The following RTTN variants were observed in gnomAD, a reference collection of about 807,000 sequenced individuals.
The protein encoded by RTTN is rotatin.
Under a neutral mutation model 269.2 loss-of-function variants are expected in RTTN, and 182 were observed. The ratio of observed to expected loss-of-function variants is 0.68; its 90% CI spans 0.60 to 0.76. The LOEUF (loss-of-function observed/expected upper bound fraction) is 0.76. Among genes scored for constraint, RTTN ranks in the 30% least tolerant of loss-of-function variants. The pLI, the probability that RTTN is intolerant of heterozygous loss-of-function variation, is 0.00. For missense variants in RTTN, 2,545 were observed against 2,608.6 expected, an observed-to-expected ratio of 0.98 and a Z score of 0.53; for synonymous variants, 1,006 against 963.5, an observed-to-expected ratio of 1.04 and a Z score of -0.82.
intron 40 of RTTN, among the ~76,000 whole-genome samples, chr18:70,034,400 C>T (rs145888670): frequency 9.2e-4 from 140 of 152,290 alleles, no homozygotes; most frequent in African/African-American, 3.1e-3. Flanking sequence ...GTTCAACATA[C>T]GTGCAAACAA....
rs1453437996 is a variant in RTTN at position 70,166,990 on chromosome 18, T to C, written c.1731A>G (p.Gln577=). 3 of 1,613,854 alleles carry C rather than the reference T, an allele frequency of 1.9e-6. No homozygotes were observed. The South Asian group carries it at 3.3e-5, about 18-fold the overall frequency. Residue 577 remains glutamine, a synonymous_variant, in exon 13 of 49, where the codon CAA becomes CAG. Transcript: ENST00000640769. ...GATGATAGGAAAAGCTACGCAAGGC[T>C]TGGTCTGCCAGCTCCACTAATTCTA... ...NLLELVELAD[Q]ALRSFSYHQH... is the part of the protein sequence containing the mutation.
chr18:70,041,200 A>C (rs2057329859), intron 40 of RTTN, among the ~76,000 whole-genome samples: 2 of 151,828 alleles, frequency 1.3e-5, no homozygotes, highest in African/African-American at 4.8e-5. Flanking sequence ...ACAGAGTGAG[A>C]CTCTGTCTCA....
At chr18:70,121,044 C>T (rs986437812) in intron 26 of RTTN, among the ~76,000 whole-genome samples, 6 of 151,174 alleles carry the variant, frequency 4.0e-5, no homozygotes, top group Non-Finnish European at 8.8e-5. Context: ...GGGCGAGACG[C>T]CGTCTCAAAA....
chr18:70,106,094 T>C (rs2059313881), intron 28 of RTTN, among the ~76,000 whole-genome samples: 1 of 152,156 alleles, frequency 6.6e-6, no homozygotes, highest in Admixed American at 6.5e-5. Flanking sequence ...ATGCCTGTAA[T>C]AGCAGCACTT....
At chr18:70,106,694 T>C (rs891485916) in intron 28 of RTTN, among the ~76,000 whole-genome samples, 3 of 151,888 alleles carry the variant, frequency 2.0e-5, no homozygotes, top group Non-Finnish European at 2.9e-5. Context: ...TCTTATGCTC[T>C]TGAAAAAAAA....
intron 8 of RTTN, 50 bp from the exon 9 acceptor site, chr18:70,190,769 C>G (rs374482276): frequency 9.7e-6 from 13 of 1,334,256 alleles, no homozygotes; most frequent in South Asian, 7.6e-5. Flanking sequence ...AATCCCCAAA[C>G]AGATTTACTG....
chr18:70,049,995 C>T (rs765830440), intron 39 of RTTN, among the ~76,000 whole-genome samples: 13 of 152,116 alleles, frequency 8.5e-5, no homozygotes, highest in Admixed American at 3.3e-4. Flanking sequence ...GGTTTCTATA[C>T]CAACACAGTA....
chr18:70,051,041 A>C (rs1174246935), intron 39 of RTTN, among the ~76,000 whole-genome samples: 2 of 152,184 alleles, frequency 1.3e-5, no homozygotes, highest in Admixed American at 1.3e-4. Context: ...CTATGTAAAA[A>C]ACCTGCACGT....
At chr18:70,040,388 A>G (rs1308815519) in intron 40 of RTTN, among the ~76,000 whole-genome samples, 8 of 152,242 alleles carry the variant, frequency 5.3e-5, no homozygotes, top group Non-Finnish European at 8.8e-5. Context: ...AGATCATTAT[A>G]TAATGATAAT....
intron 43 of RTTN, among the ~76,000 whole-genome samples, chr18:70,026,582 G>A (rs2056860472): frequency 1.3e-5 from 2 of 152,090 alleles, no homozygotes; most frequent in South Asian, 2.1e-4. Flanking sequence ...GCAGAACTGT[G>A]AGCCAATTAA....
At chr18:70,049,965 CAT>C (rs1425943422) in intron 39 of RTTN, among the ~76,000 whole-genome samples, 2 of 152,240 alleles carry the variant, frequency 1.3e-5, no homozygotes, top group South Asian at 4.1e-4. Context: ...ATACAATGTA[CAT>C]ATGTCAGAAA....
intron 28 of RTTN, among the ~76,000 whole-genome samples, chr18:70,095,617 GC>G (rs2058980965): frequency 1.3e-5 from 2 of 152,236 alleles, no homozygotes; most frequent in Admixed American, 6.5e-5. Context: ...ATGAATATAG[GC>G]CCCCACTCTC....
chr18:70,035,473 T>C (rs547312068), intron 40 of RTTN, among the ~76,000 whole-genome samples: 1 of 152,314 alleles, frequency 6.6e-6, no homozygotes, highest in African/African-American at 2.4e-5. Context: ...GAACTCCCTG[T>C]TCGATAAATG....
intron 10 of RTTN, 82 bp downstream of exon 10, chr18:70,188,026 T>C: frequency 1.3e-6 from 1 of 758,030 alleles, no homozygotes; most frequent in Non-Finnish European, 2.3e-6. Flanking sequence ...TGAACACGAA[T>C]GAGACAATGA....
intron 40 of RTTN, among the ~76,000 whole-genome samples, chr18:70,037,387 A>G (rs933366501): frequency 6.6e-6 from 1 of 152,184 alleles, no homozygotes; most frequent in Non-Finnish European, 1.5e-5. Flanking sequence ...CTTGAGGAAG[A>G]GAGTAAACAA....
Position 70,139,569 on chromosome 18 carries a change from CTAAT to C in RTTN, c.2788+26_2788+29del, listed in dbSNP as rs765545158. The C allele has an allele frequency of 1.9e-5, 25 of 1,310,622 alleles. No individual in the cohort carries two copies. In the Middle Eastern group the frequency reaches 1.7e-3, roughly 87 times the overall value. 81.2% of individuals were successfully genotyped at this position (1,310,622 alleles called of 1,614,324 possible). ...GAAACACTTAAAATTTAAGAACAAT[CTAAT>C]TATTAGCAGATTTTCTTTTATTTAC... On this transcript the variant is annotated intron_variant, in intron 21 of 48. Coordinates refer to ENST00000640769, the MANE Select transcript of RTTN (RefSeq NM_173630.4).
Position 70,193,442 on chromosome 18 carries a change from G to A in RTTN, c.853C>T (p.Gln285Ter). Residue 285 changes from glutamine (Q) to a stop codon, truncating the protein, a stop_gained, in exon 8 of 49, where the codon CAA becomes TAA. Transcript: ENST00000640769. LOFTEE classifies it high-confidence loss of function. ...FFSNKHDTVS[Q>*]NSSLSYCHEA... ...TGACAATAAGACAAAGAAGAATTTTGGGAAACTGTGTCTGGGGAAACAAAG... is the reference window on the plus strand; with the variant it reads ...TGACAATAAGACAAAGAAGAATTTTAGGAAACTGTGTCTGGGGAAACAAAG... The A allele has an allele frequency of 6.6e-7, 1 of 1,519,198 alleles. No individual in the cohort carries two copies. Among genetic ancestry groups the A allele is most frequent in the Non-Finnish European group, 8.8e-7 (1 of 1,135,378 alleles). 94.1% of individuals were successfully genotyped at this position (1,519,198 alleles called of 1,614,324 possible).
At chr18:70,044,548 T>C (rs1361292423) in intron 40 of RTTN, among the ~76,000 whole-genome samples, 1 of 152,234 alleles carries the variant, frequency 6.6e-6, no homozygotes, top group East Asian at 1.9e-4. Flanking sequence ...TTCTAAGTTT[T>C]ATTCCTATAA....
intron 4 of RTTN, 71 bp downstream of exon 4, chr18:70,201,823 C>T (rs1253271677): frequency 1.1e-5 from 10 of 910,380 alleles, no homozygotes; most frequent in Non-Finnish European, 1.7e-5. Flanking sequence ...TACATCTTCA[C>T]AATAACGAAA....
Sources: allele counts gnomAD v4.1 joint callset (sites outside exome capture counted in the v4.1 genomes callset), GRCh38; gene constraint gnomAD v4.1.1; transcripts MANE v1.5; gene names NCBI Gene and HGNC (gene_info 2026-07-23, HGNC 2026-07-21).